The following ALK variants were observed in gnomAD, a reference collection of about 807,000 sequenced individuals.
The protein encoded by ALK is ALK tyrosine kinase receptor.
ALK carries 74 observed loss-of-function variants against 163.1 expected under a neutral mutation model. The observed-to-expected ratio is 0.45, with a 90% confidence interval of 0.38 to 0.55. The LOEUF (loss-of-function observed/expected upper bound fraction) is 0.55. Ranked by LOEUF, ALK falls within the 20% of genes least tolerant of loss-of-function variation. The probability of loss-of-function intolerance (pLI) is 0.00; values close to 1 mark genes in which losing one functional copy is unlikely to be tolerated. For missense variants in ALK, 2,063 were observed against 2,105.3 expected, an observed-to-expected ratio of 0.98 and a Z score of 0.39; for synonymous variants, 960 against 843.2, an observed-to-expected ratio of 1.14 and a Z score of -2.40.
chr2:29,623,500 T>C (rs1484698725), intron 3 of ALK, among the ~76,000 whole-genome samples: 1 of 152,238 alleles, frequency 6.6e-6, no homozygotes, highest in Non-Finnish European at 1.5e-5. Context: ...TTTAATACTT[T>C]ACATGAACTC....
intron 3 of ALK, among the ~76,000 whole-genome samples, chr2:29,601,972 C>T (rs146352529): frequency 2.6e-5 from 4 of 152,186 alleles, no homozygotes; most frequent in African/African-American, 7.2e-5. Context: ...GGGACAGGAA[C>T]TCTACCAGCT....
At chr2:29,728,877 A>G (rs1032418456) in intron 1 of ALK, among the ~76,000 whole-genome samples, 2 of 152,218 alleles carry the variant, frequency 1.3e-5, no homozygotes, top group Non-Finnish European at 2.9e-5. Flanking sequence ...GAACAAGGAC[A>G]GGGAATGAAA....
At chr2:29,774,450 A>G (rs1681114700) in intron 1 of ALK, among the ~76,000 whole-genome samples, 1 of 152,176 alleles carries the variant, frequency 6.6e-6, no homozygotes, top group Non-Finnish European at 1.5e-5. Flanking sequence ...ACCATGTTAC[A>G]GTTTACTAAG....
chr2:29,673,785 T>C (rs1277760333), intron 3 of ALK, among the ~76,000 whole-genome samples: 17 of 151,248 alleles, frequency 1.1e-4, no homozygotes, highest in African/African-American at 3.9e-4. Flanking sequence ...GCCATTTTCA[T>C]GATATTGATT....
At position 29,197,610 on chromosome 2, in the gene ALK, G is replaced by A. The variant is rs956561624; in HGVS notation, c.4005C>T (p.Asn1335=). 2 of 1,613,894 alleles carry A rather than the reference G, an allele frequency of 1.2e-6. No individual in the cohort carries two copies. Among genetic ancestry groups the A allele is most frequent in the African/African-American group, 1.3e-5 (1 of 74,912 alleles). Residue 1335 remains asparagine (N), a synonymous_variant, in exon 27 of 29, where the codon AAC becomes AAT. Transcript: ENST00000389048. ...TGGTGACAAACTCCAGAACTTCCTG[G>A]TTGCTTTTGCTGGGGTATGGCATAT... ...LGYMPYPSKS[N]QEVLEFVTSG...
At chr2:29,321,315 A>G (rs1473076998) in intron 6 of ALK, among the ~76,000 whole-genome samples, 1 of 152,230 alleles carries the variant, frequency 6.6e-6, no homozygotes, top group Non-Finnish European at 1.5e-5. Flanking sequence ...GCCACTGTAT[A>G]GCTCACTACA....
intron 3 of ALK, among the ~76,000 whole-genome samples, chr2:29,661,027 G>T (rs1049111960): frequency 6.6e-6 from 1 of 152,236 alleles, no homozygotes; most frequent in South Asian, 2.1e-4. Flanking sequence ...CACTTACTCT[G>T]CTCCTCTCTG....
chr2:29,568,781 T>C (rs1674268103), intron 3 of ALK, among the ~76,000 whole-genome samples: 2 of 152,176 alleles, frequency 1.3e-5, no homozygotes, highest in African/African-American at 4.8e-5. Context: ...TCCTGTTTTG[T>C]CATCTATAAA....
chr2:29,342,776 G>T (rs1179607105), intron 5 of ALK, among the ~76,000 whole-genome samples: 1 of 151,692 alleles, frequency 6.6e-6, no homozygotes, highest in Non-Finnish European at 1.5e-5. Context: ...GTTTCCAGTG[G>T]AATCTACCGG....
At chr2:29,671,236 T>C (rs915279122) in intron 3 of ALK, among the ~76,000 whole-genome samples, 2 of 152,056 alleles carry the variant, frequency 1.3e-5, no homozygotes, top group African/African-American at 2.4e-5. Flanking sequence ...TCTGCGCTAA[T>C]AAATAGTCAA....
At chr2:29,256,705 C>T (rs1664957200) in intron 11 of ALK, among the ~76,000 whole-genome samples, 1 of 151,968 alleles carries the variant, frequency 6.6e-6, no homozygotes, top group African/African-American at 2.4e-5. Context: ...GTAGGCAGGC[C>T]ACTATGAGGG....
chr2:29,786,789 TTTTGTTTG>T (rs933856321), intron 1 of ALK, among the ~76,000 whole-genome samples: 11 of 151,656 alleles, frequency 7.3e-5, no homozygotes, highest in African/African-American at 2.7e-4. Flanking sequence ...TGTTTGTTTG[TTTTGTTTG>T]TTTGTTTGTT....
chr2:29,881,582 T>C (rs1666867400), intron 1 of ALK, among the ~76,000 whole-genome samples: 1 of 152,100 alleles, frequency 6.6e-6, no homozygotes, highest in Non-Finnish European at 1.5e-5. Context: ...CTGCTGGCTG[T>C]CTCCCCGCCT....
At chr2:29,656,935 G>C (rs1677202278) in intron 3 of ALK, among the ~76,000 whole-genome samples, 1 of 152,124 alleles carries the variant, frequency 6.6e-6, no homozygotes, top group South Asian at 2.1e-4. Flanking sequence ...TATATAAAGG[G>C]CATGGTGTCT....
chr2:29,362,497 C>T (rs192726747), intron 5 of ALK, among the ~76,000 whole-genome samples: 127 of 152,266 alleles, frequency 8.3e-4, no homozygotes, highest in Non-Finnish European at 1.1e-3. Flanking sequence ...TCCACAGTTA[C>T]GGGAATCTAT....
chr2:29,388,810 T>C (rs991261966), intron 4 of ALK, among the ~76,000 whole-genome samples: 1 of 152,230 alleles, frequency 6.6e-6, no homozygotes, highest in Non-Finnish European at 1.5e-5. Flanking sequence ...TTGCAATTTA[T>C]GAGTAGCAGC....
At chr2:29,531,061 A>G (rs1296493296) in intron 4 of ALK, among the ~76,000 whole-genome samples, 1 of 152,198 alleles carries the variant, frequency 6.6e-6, no homozygotes, top group Non-Finnish European at 1.5e-5. Flanking sequence ...GGGGATGGAC[A>G]ATGGGTAACA....
Position 29,193,084 on chromosome 2 carries a change from G to T in ALK, c.*140C>A, listed in dbSNP as rs950584612. 6.5e-6 allele frequency: 6 copies of T among 918,882 alleles called. No individual in the cohort carries two copies. The African/African-American group carries it at 9.9e-5, about 15-fold the overall frequency. The allele number at this position is 918,882 out of a possible 1,614,324, so 56.9% of individuals were successfully genotyped here. ...CTTTCTAAAGCATTTTCAAAATACA[G>T]CTTTTTTGGTGGTACTTCAAAATAG... On this transcript the variant is annotated 3_prime_UTR_variant, in exon 29 of 29. Coordinates refer to ENST00000389048, the MANE Select transcript of ALK (RefSeq NM_004304.5).
At chr2:29,521,347 A>T (rs994644800) in intron 4 of ALK, among the ~76,000 whole-genome samples, 11 of 152,134 alleles carry the variant, frequency 7.2e-5, no homozygotes, top group African/African-American at 2.7e-4. Context: ...CACCACCACA[A>T]GACTTCCCCA....
Sources: gnomAD v4.1 joint callset for allele counts (sites outside exome capture counted in the v4.1 genomes callset) on GRCh38, gnomAD v4.1.1 for gene constraint, MANE v1.5 for transcripts, NCBI Gene and HGNC (gene_info 2026-07-23, HGNC 2026-07-21) for gene names.